ACAA2: variants seen among roughly 807,000 people sequenced by gnomAD.
The protein encoded by ACAA2 is acetyl-CoA acyltransferase 2.
ACAA2 carries 35 observed loss-of-function variants against 44.8 expected under a neutral mutation model. The ratio of observed to expected loss-of-function variants is 0.78; its 90% CI spans 0.60 to 1.04. The LOEUF is 1.04. Among genes scored for constraint, ACAA2 ranks in the 50% least tolerant of loss-of-function variants. The pLI is 0.00. For missense variants in ACAA2, 468 were observed against 482.6 expected (o/e 0.97, Z 0.28); for synonymous variants, 142 against 166.5 (o/e 0.85, Z 1.13).
chr18:49,802,615 T>C (rs758385221), intron 2 of ACAA2, 72 bp downstream of exon 2: 3 of 1,414,976 alleles, frequency 2.1e-6, no homozygotes, highest in East Asian at 2.3e-5. Flanking sequence ...CATTATGATA[T>C]GTTAAAGGAA....
chr18:49,783,338 A>C lies in ACAA2; in HGVS notation c.*509T>G, dbSNP rs1161304257. 1 of 152,514 alleles carries C rather than the reference A, an allele frequency of 6.6e-6. No individual in the cohort carries two copies. The highest frequency in any genetic ancestry group is 2.4e-5 in the African/African-American group (1 of 41,456). 9.4% of individuals were successfully genotyped at this position (152,514 alleles called of 1,614,324 possible). On this transcript the variant is annotated 3_prime_UTR_variant, in exon 10 of 10. Transcript: ENST00000285093. The stretch of plus-strand genomic sequence containing the variant: ...TTATTGTTTCCATGTGTGGTGACTG[A>C]AAAAGTTCTGTTGATAAAAAGTGGG...
chr18:49,787,276 A>C lies in ACAA2; in HGVS notation c.954+15T>G, dbSNP rs764726777. The C allele has an allele frequency of 5.4e-4, 795 of 1,464,594 alleles. 18 individuals are homozygous for C. In the South Asian group the frequency reaches 0.01, roughly 19 times the overall value. The allele number at this position is 1,464,594 out of a possible 1,614,324, so 90.7% of individuals were successfully genotyped here. A position where few individuals can be genotyped will look rare whatever the true frequency, so the allele number is the denominator to read the frequency against. ...TCATGTTGTTAAAAAAAAAAAAAAA[A>C]AAAAAAACACTTACCTCTACCAAAT... On this transcript the variant is annotated intron_variant, in intron 8 of 9. Transcript: ENST00000285093.
chr18:49,790,479 AC>A (rs1427736858), intron 7 of ACAA2, among the ~76,000 whole-genome samples: 4 of 152,194 alleles, frequency 2.6e-5, no homozygotes, highest in Non-Finnish European at 5.9e-5. Context: ...CTTGGAACCC[AC>A]CTCAGAAAAC....
rs781593065 is a variant in ACAA2, at chr18:49,787,283, A to AAAAAC, written c.954+7_954+8insGTTTT. The AAAAAC allele has an allele frequency of 2.1e-6, 3 of 1,454,252 alleles. No homozygotes were observed. The South Asian group carries it at 4.4e-5, about 21-fold the overall frequency. 90.1% of individuals were successfully genotyped at this position (1,454,252 alleles called of 1,614,324 possible). On this transcript the variant is annotated splice_region_variant and intron_variant, in intron 8 of 9. Coordinates refer to ENST00000285093, the MANE Select transcript of ACAA2 (RefSeq NM_006111.3). ...GTTAAAAAAAAAAAAAAAAAAAAAA[A>AAAAAC]CACTTACCTCTACCAAATCCATGTC...
At chr18:49,807,120 C>T (rs1404806634) in intron 1 of ACAA2, among the ~76,000 whole-genome samples, 3 of 152,132 alleles carry the variant, frequency 2.0e-5, no homozygotes, top group African/African-American at 7.2e-5. Context: ...GTGGGCTGGG[C>T]ACTGTGGCTC....
rs187239397 is a variant in ACAA2, at chr18:49,800,384, G to A, written c.183+2303C>T. On this transcript the variant is annotated intron_variant, in intron 2 of 9. Coordinates refer to ENST00000285093, the MANE Select transcript of ACAA2 (RefSeq NM_006111.3). ...AGCCCCTCTGCCCGGCCACCACCCC[G>A]TCTGGGAGGTGTGCCCAGCAGCTCA... Among the ~76,000 whole-genome samples the A allele has an allele frequency of 5.0e-3, 760 of 152,024 alleles. 4 individuals are homozygous for A. Among genetic ancestry groups the A allele is most frequent in the Non-Finnish European group, 7.0e-3 (472 of 67,904 alleles).
At chr18:49,787,270 A>AAC in intron 8 of ACAA2, 21 bp downstream of exon 8, 14 of 1,428,814 alleles carry the variant, frequency 9.8e-6, no homozygotes, top group Admixed American at 3.4e-5. Context: ...TAAAAAAAAA[A>AAC]AAAAAAAAAA....
At chr18:49,794,484 TG>T in intron 4 of ACAA2, 57 bp from the exon 5 acceptor site, 1 of 1,300,950 alleles carries the variant, frequency 7.7e-7, no homozygotes, top group Non-Finnish European at 1.0e-6. Context: ...AAAAGTAATA[TG>T]TTATAATTTC....
intron 3 of ACAA2, among the ~76,000 whole-genome samples, chr18:49,796,119 TA>T (rs2143961121): frequency 6.6e-6 from 1 of 152,304 alleles, no homozygotes; most frequent in East Asian, 1.9e-4. Context: ...TAACAGGCCC[TA>T]CCTACATGTG....
At chr18:49,784,475 CCTAATATGATGACTT>C (rs1219769179) in intron 9 of ACAA2, among the ~76,000 whole-genome samples, 2 of 152,108 alleles carry the variant, frequency 1.3e-5, no homozygotes, top group Admixed American at 1.3e-4. Context: ...ACTCCTCACT[CCTAATATGATGACTT>C]CGAGAAAATT....
chr18:49,790,537 T>C (rs1387644148), intron 7 of ACAA2, among the ~76,000 whole-genome samples: 2 of 152,198 alleles, frequency 1.3e-5, no homozygotes, highest in Non-Finnish European at 2.9e-5. Flanking sequence ...ATCTATACCC[T>C]AGGGCAGGCT....
At position 49,791,575 on chromosome 18, in the gene ACAA2, C is replaced by T; in HGVS notation, c.778G>A (p.Val260Ile). 6.2e-7 allele frequency: 1 copy of T among 1,613,476 alleles called. No homozygotes were observed. Among genetic ancestry groups the T allele is most frequent in the Non-Finnish European group, 8.5e-7 (1 of 1,179,812 alleles). The part of the protein sequence containing the change: ...ASGVADGAGA[V>I]IIASEDAVKK... ...ACAGCATCTTCACTAGCTATGATAA[C>T]AGCTCCAGCACCATCAGCTACACCC... The change falls in exon 7 of 10, where the codon GTT becomes ATT. Residue 260 changes from valine (V) to isoleucine (I), a missense_variant. Coordinates refer to ENST00000285093, the MANE Select transcript of ACAA2 (RefSeq NM_006111.3).
At chr18:49,799,847 G>A (rs190456704) in intron 2 of ACAA2, among the ~76,000 whole-genome samples, 2,989 of 62,646 alleles carry the variant, frequency 0.048, 238 homozygotes, top group South Asian at 0.12. Context: ...CTGGGATGTG[G>A]GGAGCGCCTC....
intron 9 of ACAA2, among the ~76,000 whole-genome samples, chr18:49,784,245 G>A (rs758374642): frequency 6.6e-6 from 1 of 152,226 alleles, no homozygotes; most frequent in Non-Finnish European, 1.5e-5. Context: ...GCTTGTGTGT[G>A]TTACGGGAAA....
intron 8 of ACAA2, chr18:49,786,385 G>A (rs1182856649): frequency 2.6e-5 from 4 of 151,974 alleles, no homozygotes; most frequent in African/African-American, 9.7e-5. Context: ...TTTTAAATGT[G>A]AGGTCTAAAG....
Position 49,782,801 on chromosome 18 carries a change from T to C in ACAA2, c.*1046A>G, listed in dbSNP as rs1483750160. The C allele has an allele frequency of 6.7e-6, 1 of 149,876 alleles. No homozygotes were observed. The highest frequency in any genetic ancestry group is 1.5e-5 in the Non-Finnish European group (1 of 67,896). The allele number at this position is 149,876 out of a possible 1,614,324, so 9.3% of individuals were successfully genotyped here. On this transcript the variant is annotated 3_prime_UTR_variant, in exon 10 of 10. Transcript: ENST00000285093. Reference sequence around the variant, plus strand: ...AGGCGGAGCTTGCAGTAAGCTGAGATCGCGCCACTGCACTCCAGCCTGGAG... The same window carrying C: ...AGGCGGAGCTTGCAGTAAGCTGAGACCGCGCCACTGCACTCCAGCCTGGAG...
rs2023292429 is a variant in ACAA2 at position 49,783,723 on chromosome 18, A to AAACTT, written c.*119_*123dup. 1 of 731,074 alleles carries AAACTT rather than the reference A, an allele frequency of 1.4e-6. No homozygotes were observed. Among genetic ancestry groups the AAACTT allele is most frequent in the Admixed American group, 2.4e-5 (1 of 41,286 alleles). 45.3% of individuals were successfully genotyped at this position (731,074 alleles called of 1,614,324 possible). On this transcript the variant is annotated 3_prime_UTR_variant, in exon 10 of 10. Coordinates refer to ENST00000285093, the MANE Select transcript of ACAA2 (RefSeq NM_006111.3). ...ATTTTTGTGTCACCATGGCTTGATCAAACTTAATCACTGTTTCAATGGCAG... is the reference window on the plus strand; with the variant it reads ...ATTTTTGTGTCACCATGGCTTGATCAAACTTAACTTAATCACTGTTTCAATGGCAG...
chr18:49,802,434 C>T (rs1313204815), intron 2 of ACAA2, among the ~76,000 whole-genome samples: 12 of 152,006 alleles, frequency 7.9e-5, no homozygotes, highest in South Asian at 4.2e-4. Flanking sequence ...TGGTGGCACA[C>T]GCCTGTAATC....
chr18:49,805,028 T>C (rs602792), intron 1 of ACAA2, among the ~76,000 whole-genome samples: 79,120 of 152,118 alleles, frequency 0.52, 21,174 homozygotes, highest in Middle Eastern at 0.68. Context: ...GTAAATATTA[T>C]AGCTAACATA....
Sources: allele counts gnomAD v4.1 joint callset (sites outside exome capture counted in the v4.1 genomes callset), GRCh38; gene constraint gnomAD v4.1.1; transcripts MANE v1.5; gene names NCBI Gene and HGNC (gene_info 2026-07-23, HGNC 2026-07-21).